The following IWS1 variants were observed in gnomAD, a reference collection of about 807,000 sequenced individuals.
The protein encoded by IWS1 is interacts with SUPT6H, CTD assembly factor 1, also known as protein IWS1 homolog.
Under a neutral mutation model 86.7 loss-of-function variants are expected in IWS1, and 27 were observed. That is an observed-to-expected ratio of 0.31 (90% CI 0.23 to 0.43). The LOEUF (loss-of-function observed/expected upper bound fraction) is 0.43, where lower values mean the gene tolerates loss of function less well. Among genes scored for constraint, IWS1 ranks in the 20% least tolerant of loss-of-function variants. The pLI is 1.00. For synonymous variants in IWS1, 313 were observed against 335.1 expected, an observed-to-expected ratio of 0.93 and a Z score of 0.72; for missense variants, 827 against 1,000.8, an observed-to-expected ratio of 0.83 and a Z score of 2.34.
chr2:127,514,282 T>C lies in IWS1; in HGVS notation c.151-8530A>G, dbSNP rs57771875. The C allele has an allele frequency of 3.4e-3, 532 of 154,582 alleles. 5 individuals are homozygous for C. The highest frequency in any genetic ancestry group is 0.012 in the African/African-American group (488 of 41,636). The allele number at this position is 154,582 out of a possible 1,614,324, so 9.6% of individuals were successfully genotyped here. On this transcript the variant is annotated intron_variant, in intron 2 of 13. Coordinates refer to ENST00000295321, the MANE Select transcript of IWS1 (RefSeq NM_017969.3). ...CTTCCCTACCCTGCTCACTCTCGGT[T>C]GTCCGTGTAACCTCATTCTTCTTGG...
chr2:127,504,657 G>A (rs774704204), intron 3 of IWS1, 27 bp downstream of exon 3: 1 of 1,504,592 alleles, frequency 6.6e-7, no homozygotes, highest in Non-Finnish European at 9.0e-7. Context: ...TAAAGCCATT[G>A]ATAAACAGCC....
In IWS1 at chr2:127,505,886, T is replaced by G; in HGVS notation, c.151-134A>C. ...ACCTAAATGGAGAATTCTTGTCCTATACCCATATAGAAACACCCCCACAGA... is the reference window on the plus strand; with the variant it reads ...ACCTAAATGGAGAATTCTTGTCCTAGACCCATATAGAAACACCCCCACAGA... On this transcript the variant is annotated intron_variant, in intron 2 of 13. Coordinates refer to ENST00000295321, the MANE Select transcript of IWS1 (RefSeq NM_017969.3). This position sits in a 1 kb window ranked among gnomAD's most constrained non-coding sequence, Gnocchi z 5.0. The G allele has an allele frequency of 1.7e-6, 1 of 602,492 alleles. No individual in the cohort carries two copies. The highest frequency in any genetic ancestry group is 2.8e-6 in the Non-Finnish European group (1 of 361,396). The allele number at this position is 602,492 out of a possible 1,614,324, so 37.3% of individuals were successfully genotyped here.
chr2:127,513,906 C>T (rs72838649), intron 2 of IWS1, among the ~76,000 whole-genome samples: 19 of 152,242 alleles, frequency 1.2e-4, no homozygotes, highest in Non-Finnish European at 2.5e-4. Context: ...ATAATAACAG[C>T]AGGAAGCAGA....
intron 2 of IWS1, among the ~76,000 whole-genome samples, chr2:127,520,202 C>G (rs1254313453): frequency 6.6e-6 from 1 of 152,122 alleles, no homozygotes; most frequent in Non-Finnish European, 1.5e-5. Flanking sequence ...CATAGTCTCG[C>G]TCTGTCGCCA....
chr2:127,492,461 G>A (rs1305428271), intron 9 of IWS1, among the ~76,000 whole-genome samples: 2 of 151,874 alleles, frequency 1.3e-5, no homozygotes, highest in African/African-American at 2.4e-5. Flanking sequence ...CAGGAGAATC[G>A]CTTGAACCTA....
At chr2:127,512,987 A>G (rs1297074186) in intron 2 of IWS1, among the ~76,000 whole-genome samples, 1 of 152,216 alleles carries the variant, frequency 6.6e-6, no homozygotes, top group Non-Finnish European at 1.5e-5. Flanking sequence ...CACCCATAAA[A>G]CCCAGCACTT....
chr2:127,526,523 C>A, upstream of IWS1: 1 of 1,468,768 alleles, frequency 6.8e-7, no homozygotes, highest in Non-Finnish European at 9.1e-7. Flanking sequence ...AGCGCGCAGG[C>A]GCCGCAACCC....
intron 9 of IWS1, 44 bp from the exon 10 acceptor site, chr2:127,492,132 C>CT (rs1431624616): frequency 1.6e-6 from 2 of 1,277,684 alleles, no homozygotes; most frequent in African/African-American, 1.5e-5. Context: ...CACTCGGAAG[C>CT]TGGGGGTCTT....
intron 13 of IWS1, among the ~76,000 whole-genome samples, chr2:127,484,074 C>T (rs958885826): frequency 2.6e-5 from 4 of 152,114 alleles, no homozygotes; most frequent in South Asian, 2.1e-4. Flanking sequence ...GAGGCCGAGG[C>T]GGGCAGATCA....
At chr2:127,494,070 GT>G (rs1690379799) in intron 8 of IWS1, among the ~76,000 whole-genome samples, 1 of 149,308 alleles carries the variant, frequency 6.7e-6, no homozygotes, top group East Asian at 1.9e-4. Context: ...CTGTGGCTTA[GT>G]TCAAAGAGAA....
chr2:127,494,815 T>C (rs1690429348), intron 8 of IWS1, 57 bp downstream of exon 8: 10 of 1,004,704 alleles, frequency 1.0e-5, no homozygotes, highest in Non-Finnish European at 1.5e-5. Context: ...AGTACATCAT[T>C]TGAATTATCA....
intron 1 of IWS1, among the ~76,000 whole-genome samples, chr2:127,524,161 C>G (rs1312157787): frequency 1.3e-5 from 2 of 152,152 alleles, no homozygotes; most frequent in African/African-American, 4.8e-5. Context: ...GTCTTCTTCA[C>G]CTGAAAGAAA....
chr2:127,517,619 C>G (rs1386272761), intron 2 of IWS1, among the ~76,000 whole-genome samples: 2 of 152,194 alleles, frequency 1.3e-5, no homozygotes, highest in African/African-American at 2.4e-5. Flanking sequence ...TTACACTCAG[C>G]TGGTATGAAT....
At chr2:127,525,856 A>G (rs775734908) in intron 1 of IWS1, among the ~76,000 whole-genome samples, 7 of 152,204 alleles carry the variant, frequency 4.6e-5, no homozygotes, top group Non-Finnish European at 1.0e-4. Context: ...TTCTCCAACT[A>G]CTCAACTACT....
At chr2:127,509,812 ACAAT>A (rs1691349131) in intron 2 of IWS1, among the ~76,000 whole-genome samples, 1 of 152,100 alleles carries the variant, frequency 6.6e-6, no homozygotes, top group Non-Finnish European at 1.5e-5. Context: ...ATCATAATAA[ACAAT>A]CTTGTTTATC....
intron 13 of IWS1, among the ~76,000 whole-genome samples, chr2:127,481,931 T>A (rs925642549): frequency 1.3e-5 from 2 of 152,214 alleles, no homozygotes; most frequent in Non-Finnish European, 2.9e-5. Context: ...GAATATTAAG[T>A]CTTTACCCAT....
rs1690703992 is a variant in IWS1, at chr2:127,499,740, A to G, written c.1468-1503T>C. Reference sequence around the variant, plus strand: ...TCACTCTCTATTGCATTGGTTAAAAATAAGTATTGTTTTTTTTTTGACCCA... The same window carrying G: ...TCACTCTCTATTGCATTGGTTAAAAGTAAGTATTGTTTTTTTTTTGACCCA... On this transcript the variant is annotated intron_variant, in intron 5 of 13. Transcript: ENST00000295321. The surrounding 1 kb of genome is among the most constrained non-coding windows in gnomAD (Gnocchi z 4.0). Among the ~76,000 whole-genome samples, 1 of 151,052 alleles carries G rather than the reference A, an allele frequency of 6.6e-6. No homozygotes were observed.
At chr2:127,511,087 T>C (rs1481002638) in intron 2 of IWS1, 2 of 152,182 alleles carry the variant, frequency 1.3e-5, no homozygotes, top group Non-Finnish European at 2.9e-5. Flanking sequence ...ACCAAGAATA[T>C]CTTTCTTCTA....
rs762534666 is a variant in IWS1 at position 127,505,652 on chromosome 2, C to CTGA, written c.250_251insTCA (p.Glu83_Ser84insIle). ...GTCCTTTTGCCTGTGAAGCTCCTCA[C>CTGA]TTTCAGAGTCACTAGCATTAAGATT... On this transcript the variant is annotated inframe_insertion, in exon 3 of 14. Coordinates refer to ENST00000295321, the MANE Select transcript of IWS1 (RefSeq NM_017969.3). This position sits in a 1 kb window ranked among gnomAD's most constrained non-coding sequence, Gnocchi z 5.0. The CTGA allele has an allele frequency of 2.5e-6, 4 of 1,613,840 alleles. No individual in the cohort carries two copies. The highest frequency in any genetic ancestry group is 1.3e-5 in the African/African-American group (1 of 74,868).
Sources: allele counts gnomAD v4.1 joint callset (sites outside exome capture counted in the v4.1 genomes callset), GRCh38; gene constraint gnomAD v4.1.1; non-coding constraint Gnocchi (gnomAD v3.1); transcripts MANE v1.5; gene names NCBI Gene and HGNC (gene_info 2026-07-23, HGNC 2026-07-21).